The following VASH2 variants were observed in gnomAD, a reference collection of about 807,000 sequenced individuals.
VASH2 encodes vasohibin 2.
A neutral mutation model predicts 37.2 loss-of-function variants in VASH2; 28 were observed. The observed-to-expected ratio is 0.75, with a 90% CI of 0.56 to 1.03. VASH2 has a LOEUF of 1.03. VASH2 is among the 50% of genes least tolerant of loss of function. The pLI, the probability that VASH2 is intolerant of heterozygous loss-of-function variation, is 0.00. For synonymous variants in VASH2, 188 were observed against 174.7 expected, an observed-to-expected ratio of 1.08 and a Z score of -0.60; for missense variants, 419 against 459.1, an observed-to-expected ratio of 0.91 and a Z score of 0.80.
chr1:212,955,909 G>C (rs1393393554), intron 2 of VASH2, among the ~76,000 whole-genome samples: 1 of 152,220 alleles, frequency 6.6e-6, no homozygotes, highest in East Asian at 1.9e-4. Context: ...GCCCTTCACA[G>C]GTTCCTGGCT....
chr1:212,962,685 G>A (rs1281805858), intron 3 of VASH2, among the ~76,000 whole-genome samples: 1 of 152,142 alleles, frequency 6.6e-6, no homozygotes, highest in Non-Finnish European at 1.5e-5. Flanking sequence ...TTCACTTCAC[G>A]GATCATCAAC....
intron 7 of VASH2, among the ~76,000 whole-genome samples, chr1:212,978,705 T>A (rs998872919): frequency 3.3e-5 from 5 of 152,210 alleles, no homozygotes; most frequent in Non-Finnish European, 5.9e-5. Flanking sequence ...TTTGCGGTTT[T>A]TTTTCCCCAC....
At chr1:212,968,172 C>G in intron 5 of VASH2, 2 of 980,492 alleles carry the variant, frequency 2.0e-6, no homozygotes, top group Non-Finnish European at 2.4e-6. Flanking sequence ...CAATGTGGAG[C>G]TCACAGGGGA....
chr1:212,987,866 G>GT (rs1189097337), intron 7 of VASH2, among the ~76,000 whole-genome samples: 2 of 152,246 alleles, frequency 1.3e-5, no homozygotes, highest in Non-Finnish European at 2.9e-5. Flanking sequence ...TGTGAATGTT[G>GT]TATTTCCCAG....
chr1:212,966,190 A>G, intron 4 of VASH2, 81 bp from the exon 5 acceptor site: 1 of 1,232,672 alleles, frequency 8.1e-7, no homozygotes, highest in African/African-American at 1.5e-5. Flanking sequence ...GTGTGGGGAC[A>G]GGCATGCTGA....
chr1:212,961,487 C>T, intron 3 of VASH2: 1 of 711,562 alleles, frequency 1.4e-6, no homozygotes. Context: ...TTCTCTTTCT[C>T]CCTCCTCTTC....
rs1666832371 is a variant in VASH2 at position 212,966,084 on chromosome 1, G to A, written c.423-187G>A. 4 of 617,928 alleles carry A rather than the reference G, an allele frequency of 6.5e-6. No homozygotes were observed. The South Asian group carries it at 7.8e-5, about 12-fold the overall frequency. The allele number at this position is 617,928 out of a possible 1,614,324, so 38.3% of individuals were successfully genotyped here. ...TGGGGCATTGGGAGGGTGCTATGGAGTACTGGCACTAACTCCAGGAATTAA... is the reference window on the plus strand; with the variant it reads ...TGGGGCATTGGGAGGGTGCTATGGAATACTGGCACTAACTCCAGGAATTAA... On this transcript the variant is annotated intron_variant, in intron 4 of 7. Coordinates refer to ENST00000517399, the MANE Select transcript of VASH2 (RefSeq NM_001301056.2).
rs1261629834 is a variant in VASH2 at position 212,990,773 on chromosome 1, A to G, written c.*2189A>G. On this transcript the variant is annotated 3_prime_UTR_variant, in exon 8 of 8. Coordinates refer to ENST00000517399, the MANE Select transcript of VASH2 (RefSeq NM_001301056.2). ...GACTAATTTTCCCAAAGCAAGGTTT[A>G]GTCACACAAACTTGAAAGTACATTT... The G allele has an allele frequency of 3.9e-5, 6 of 152,222 alleles. No individual in the cohort carries two copies. The highest frequency in any genetic ancestry group is 1.5e-5 in the Non-Finnish European group (1 of 68,032). 9.4% of individuals were successfully genotyped at this position (152,222 alleles called of 1,614,324 possible).
Position 212,988,610 on chromosome 1 carries a change from G to A in VASH2, c.*26G>A. Reference sequence around the variant, plus strand: ...CCAAGCCATACCGGCCAGCAAGAGGGTTTCTGTGGTGCTTCTCTCTGCACT... The same window carrying A: ...CCAAGCCATACCGGCCAGCAAGAGGATTTCTGTGGTGCTTCTCTCTGCACT... On this transcript the variant is annotated 3_prime_UTR_variant, in exon 8 of 8. Transcript: ENST00000517399. 6.2e-7 allele frequency: 1 copy of A among 1,612,038 alleles called. No individual in the cohort carries two copies. The highest frequency in any genetic ancestry group is 8.5e-7 in the Non-Finnish European group (1 of 1,178,198).
chr1:212,968,385 G>C (rs868200126), intron 5 of VASH2: 1 of 985,492 alleles, frequency 1.0e-6, no homozygotes, highest in Non-Finnish European at 1.2e-6. Context: ...TCAGTGGAAG[G>C]ACATGTGGCT....
intron 7 of VASH2, 146 bp downstream of exon 7, chr1:212,974,216 C>T: frequency 1.8e-6 from 2 of 1,095,908 alleles, no homozygotes; most frequent in Non-Finnish European, 1.3e-6. Flanking sequence ...ATTCAGGGGA[C>T]ATCTGTGGAA....
At chr1:212,954,249 A>G (rs1666415115) in intron 2 of VASH2, among the ~76,000 whole-genome samples, 2 of 151,862 alleles carry the variant, frequency 1.3e-5, no homozygotes, top group Non-Finnish European at 1.5e-5. Context: ...TCCCAGACCA[A>G]CTCACCCTCC....
chr1:212,980,504 C>G (rs1667311234), intron 7 of VASH2, among the ~76,000 whole-genome samples: 1 of 152,162 alleles, frequency 6.6e-6, no homozygotes. Context: ...CCAGCGGGCT[C>G]TGTCTGCCCT....
intron 2 of VASH2, among the ~76,000 whole-genome samples, chr1:212,955,017 C>T (rs1022288626): frequency 6.6e-6 from 1 of 152,146 alleles, no homozygotes; most frequent in Non-Finnish European, 1.5e-5. Context: ...CCACTCCTCT[C>T]GGATTAGAGG....
intron 2 of VASH2, among the ~76,000 whole-genome samples, chr1:212,954,514 G>A (rs1173205725): frequency 5.3e-5 from 8 of 152,004 alleles, no homozygotes; most frequent in African/African-American, 1.7e-4. Flanking sequence ...TCCACCTCCC[G>A]GGTTCAAGCA....
chr1:212,975,254 C>G lies in VASH2; in HGVS notation c.995+1184C>G, dbSNP rs187288792. ...AGGACAGGACGAAGTATTTTCATTTCCAAGGAAGGTTCTTTACTTGCCCCA... is the reference window on the plus strand; with the variant it reads ...AGGACAGGACGAAGTATTTTCATTTGCAAGGAAGGTTCTTTACTTGCCCCA... On this transcript the variant is annotated intron_variant, in intron 7 of 7. Transcript: ENST00000517399. Among the ~76,000 whole-genome samples the G allele has an allele frequency of 4.6e-5, 7 of 152,304 alleles. 1 individual carries two copies. The South Asian group carries it at 8.3e-4, about 18-fold the overall frequency.
At chr1:212,963,262 A>G (rs1244583872) in intron 3 of VASH2, among the ~76,000 whole-genome samples, 1 of 152,154 alleles carries the variant, frequency 6.6e-6, no homozygotes, top group Admixed American at 6.5e-5. Context: ...GACCAACAGC[A>G]TCACTGACTG....
At chr1:212,955,397 C>T (rs1035329369) in intron 2 of VASH2, among the ~76,000 whole-genome samples, 1 of 152,142 alleles carries the variant, frequency 6.6e-6, no homozygotes, top group Non-Finnish European at 1.5e-5. Flanking sequence ...CAGGCCTCTC[C>T]CCTGGAGGTT....
rs913811413 is a variant in VASH2 at position 212,951,207 on chromosome 1, A to G, written c.-204-132A>G. On this transcript the variant is annotated intron_variant, in intron 1 of 7. Transcript: ENST00000517399. This position sits in a 1 kb window ranked among gnomAD's most constrained non-coding sequence, Gnocchi z 4.4. Reference sequence around the variant, plus strand: ...GTAATCGCAGGGCTGGAAGCCCGTCATCGATTCTCAGGGAGGCTGTCAGCG... The same window carrying G: ...GTAATCGCAGGGCTGGAAGCCCGTCGTCGATTCTCAGGGAGGCTGTCAGCG... The G allele has an allele frequency of 6.6e-6, 1 of 152,482 alleles. No homozygotes were observed. Among genetic ancestry groups the G allele is most frequent in the African/African-American group, 2.4e-5 (1 of 41,436 alleles). 9.4% of individuals were successfully genotyped at this position (152,482 alleles called of 1,614,324 possible).
Sources: gnomAD v4.1 joint callset for allele counts (sites outside exome capture counted in the v4.1 genomes callset) on GRCh38, gnomAD v4.1.1 for gene constraint, Gnocchi (gnomAD v3.1) non-coding constraint, MANE v1.5 for transcripts, NCBI Gene and HGNC (gene_info 2026-07-23, HGNC 2026-07-21) for gene names.